CEP250: variants seen among roughly 807,000 people sequenced by gnomAD.
CEP250 encodes centrosomal protein 250, also known as centrosome-associated protein CEP250.
Under a neutral mutation model 315.7 loss-of-function variants are expected in CEP250, and 242 were observed. The observed-to-expected ratio is 0.77, with a 90% confidence interval of 0.69 to 0.85. CEP250 has a LOEUF of 0.85. Ranked by LOEUF, CEP250 falls within the 40% of genes least tolerant of loss-of-function variation. CEP250 has a pLI of 0.00. For synonymous variants in CEP250, 1,088 were observed against 1,175.0 expected, an observed-to-expected ratio of 0.93 and a Z score of 1.51; for missense variants, 2,515 against 2,886.4, an observed-to-expected ratio of 0.87 and a Z score of 2.95.
chr20:35,497,875 C>T lies in CEP250; in HGVS notation c.3463C>T (p.Arg1155Ter), dbSNP rs749314857. ...QEAKAAQLQLRLRSTESQLEA... is the reference protein window; with the variant it reads ...QEAKAAQLQL ...AGCCAAGGCAGCCCAACTACAGCTG[C>T]GACTGCGCAGCACAGAGAGCCAGCT... is the stretch of plus-strand genomic sequence containing the variant. Residue 1155 changes from arginine to a stop codon, truncating the protein, a stop_gained, in exon 26 of 35, where the codon CGA becomes TGA. Transcript: ENST00000397527. LOFTEE classifies it high-confidence loss of function. 4 of 1,599,046 alleles carry T rather than the reference C, an allele frequency of 2.5e-6. No homozygotes were observed. The highest frequency in any genetic ancestry group is 3.4e-6 in the Non-Finnish European group (4 of 1,172,998).
chr20:35,518,417 A>G lies in CEP250; in HGVS notation c.*6791A>G, dbSNP rs1490330442. The G allele has an allele frequency of 6.6e-6, 1 of 152,156 alleles. No homozygotes were observed. Among genetic ancestry groups the G allele is most frequent in the Non-Finnish European group, 1.5e-5 (1 of 68,044 alleles). 9.4% of individuals were successfully genotyped at this position (152,156 alleles called of 1,614,324 possible). ...AGCATGCGGTGGATATTTGTTTTAG[A>G]TACACAGTAACTGGAAACTCATTTA... On this transcript the variant is annotated 3_prime_UTR_variant, in exon 35 of 35. Transcript: ENST00000397527.
Position 35,467,426 on chromosome 20 carries a change from G to C in CEP250, c.722G>C (p.Arg241Pro). The C allele has an allele frequency of 6.2e-7, 1 of 1,614,202 alleles. No homozygotes were observed. Among genetic ancestry groups the C allele is most frequent in the East Asian group, 2.2e-5 (1 of 44,892 alleles). Residue 241 changes from arginine (R) to proline (P), a missense_variant, in exon 9 of 35, where the codon CGG (arginine) becomes CCG (proline). Transcript: ENST00000397527. ...AACGGATCTGGAAGAATGGATGGGCGGGAGCCGGCCCAGCTGCTGCTGCTA... is the reference window on the plus strand; with the variant it reads ...AACGGATCTGGAAGAATGGATGGGCCGGAGCCGGCCCAGCTGCTGCTGCTA... ...EPNGSGRMDGREPAQLLLLLA... is the reference protein window; with the variant it reads ...EPNGSGRMDGPEPAQLLLLLA...
chr20:35,468,291 C>T (rs1459269445), intron 9 of CEP250, among the ~76,000 whole-genome samples: 1 of 152,182 alleles, frequency 6.6e-6, no homozygotes. Flanking sequence ...ACCTCAGTAG[C>T]CTGCTAAGTT....
Position 35,504,421 on chromosome 20 carries a change from G to A in CEP250, c.6052G>A (p.Ala2018Thr). ...CQAHSRQLEE[A>T]LRIQEGEIQD... ...GGCACACAGTCGGCAGCTGGAGGAGGCTCTGAGGATACAAGAAGGTGAGAT... is the reference window on the plus strand; with the variant it reads ...GGCACACAGTCGGCAGCTGGAGGAGACTCTGAGGATACAAGAAGGTGAGAT... The change falls in exon 30 of 35, where the codon GCT (alanine) becomes ACT (threonine). Residue 2018 changes from alanine to threonine, a missense_variant. By Grantham distance (58) the Ala-to-Thr change is moderately conservative. Coordinates refer to ENST00000397527, the MANE Select transcript of CEP250 (RefSeq NM_007186.6). 1.9e-6 allele frequency: 3 copies of A among 1,609,138 alleles called. No homozygotes were observed. The highest frequency in any genetic ancestry group is 2.5e-6 in the Non-Finnish European group (3 of 1,177,794).
chr20:35,494,524 G>GT lies in CEP250; in HGVS notation c.3035dup (p.Glu1013GlyfsTer12). 2 of 1,613,732 alleles carry GT rather than the reference G, an allele frequency of 1.2e-6. No individual in the cohort carries two copies. Among genetic ancestry groups the GT allele is most frequent in the Non-Finnish European group, 1.7e-6 (2 of 1,179,978 alleles). On this transcript the variant is annotated frameshift_variant and splice_region_variant, in exon 24 of 35. Transcript: ENST00000397527. LOFTEE classifies it high-confidence loss of function. ...GGTCTTCATGCCCTTAATTTTCCAG[G>GT]TGGAGGACTTGAAGTCTCAGCTGGT...
intron 26 of CEP250, 53 bp from the exon 27 acceptor site, chr20:35,498,542 C>T: frequency 6.3e-7 from 1 of 1,595,986 alleles, no homozygotes; most frequent in Non-Finnish European, 8.5e-7. Flanking sequence ...AGAGGTCTGG[C>T]TGTTTCTTTT....
Position 35,497,853 on chromosome 20 carries a change from C to T in CEP250, c.3441C>T (p.Ala1147=). Residue 1147 remains alanine, a synonymous_variant, in exon 26 of 35, where the codon GCC becomes GCT. Transcript: ENST00000397527. ...GAGCCTCCTTGTGGGCCCAGGAAGC[C>T]AAGGCAGCCCAACTACAGCTGCGAC... The part of the protein sequence containing the change: ...QLRASLWAQE[A]KAAQLQLRLR... The T allele has an allele frequency of 6.3e-7, 1 of 1,588,434 alleles. No homozygotes were observed. Among genetic ancestry groups the T allele is most frequent in the East Asian group, 2.3e-5 (1 of 43,732 alleles).
rs1033016251 is a variant in CEP250 at position 35,518,962 on chromosome 20, G to A, written c.*7336G>A. 1 of 151,908 alleles carries A rather than the reference G, an allele frequency of 6.6e-6. No individual in the cohort carries two copies. Among genetic ancestry groups the A allele is most frequent in the Admixed American group, 6.6e-5 (1 of 15,224 alleles). The allele number at this position is 151,908 out of a possible 1,614,324, so 9.4% of individuals were successfully genotyped here. A position where few individuals can be genotyped will look rare whatever the true frequency, so the allele number is the denominator to read the frequency against. ...GCAGGAGAATTGCTTGAACCCAGGA[G>A]GCAGAGGTTGCAGTGAGCTGAGATC... On this transcript the variant is annotated 3_prime_UTR_variant, in exon 35 of 35. Coordinates refer to ENST00000397527, the MANE Select transcript of CEP250 (RefSeq NM_007186.6).
At position 35,473,531 on chromosome 20, in the gene CEP250, G is replaced by C; in HGVS notation, c.1367G>C (p.Gly456Ala). Residue 456 changes from glycine (G) to alanine (A), a missense_variant, in exon 13 of 35, where the codon GGA (glycine) becomes GCA (alanine). Physicochemically the swap from Gly to Ala is moderately conservative, Grantham distance 60. Transcript: ENST00000397527. ...TLAGQTVDLQ[G>A]EVDSLSKERE... ...GCAGGGCAGACTGTGGACCTCCAGG[G>C]AGAGGTGGACTCTCTCAGCAAGTGA... 1.9e-6 allele frequency: 3 copies of C among 1,613,570 alleles called. No individual in the cohort carries two copies. The highest frequency in any genetic ancestry group is 2.5e-6 in the Non-Finnish European group (3 of 1,179,730).
At chr20:35,508,674 C>T (rs945373119) in intron 32 of CEP250, among the ~76,000 whole-genome samples, 1 of 152,196 alleles carries the variant, frequency 6.6e-6, no homozygotes, top group Admixed American at 6.5e-5. Flanking sequence ...CCCTGCTATG[C>T]CCCACAAAGC....
intron 20 of CEP250, among the ~76,000 whole-genome samples, chr20:35,485,651 T>G (rs1213941138): frequency 1.0e-5 from 1 of 96,966 alleles, no homozygotes; most frequent in African/African-American, 4.4e-5. Flanking sequence ...CTGGCTTTTT[T>G]TTTTTTTTTT....
Position 35,502,753 on chromosome 20 carries a change from T to A in CEP250, c.4384T>A (p.Ser1462Thr). The A allele has an allele frequency of 6.2e-7, 1 of 1,614,250 alleles. No homozygotes were observed. Among genetic ancestry groups the A allele is most frequent in the Non-Finnish European group, 8.5e-7 (1 of 1,180,052 alleles). Residue 1462 changes from serine (S) to threonine (T), a missense_variant, in exon 30 of 35, where the codon TCT (serine) becomes ACT (threonine). Coordinates refer to ENST00000397527, the MANE Select transcript of CEP250 (RefSeq NM_007186.6). ...GCAGAAGGCTGCTTTGGAATTGCTG[T>A]CTCTGGACCTGAAGAAGAGGAACCA... ...EMQKAALELL[S>T]LDLKKRNQEV...
intron 27 of CEP250, among the ~76,000 whole-genome samples, 184 bp from the exon 28 acceptor site, chr20:35,499,865 C>T (rs1286330369): frequency 1.3e-5 from 2 of 152,162 alleles, no homozygotes; most frequent in African/African-American, 4.8e-5. Flanking sequence ...CCAAGTGGAG[C>T]AGAGCCTGTC....
chr20:35,463,837 C>T (rs758196054), intron 5 of CEP250, among the ~76,000 whole-genome samples: 3 of 152,112 alleles, frequency 2.0e-5, no homozygotes, highest in Non-Finnish European at 2.9e-5. Context: ...TTTCAAAGGA[C>T]GAAATGTAAA....
In CEP250 at chr20:35,511,746, G is replaced by C; in HGVS notation, c.*120G>C. The C allele has an allele frequency of 6.9e-7, 1 of 1,439,394 alleles. No homozygotes were observed. Among genetic ancestry groups the C allele is most frequent in the Non-Finnish European group, 9.1e-7 (1 of 1,099,008 alleles). The allele number at this position is 1,439,394 out of a possible 1,614,324, so 89.2% of individuals were successfully genotyped here. On this transcript the variant is annotated 3_prime_UTR_variant, in exon 35 of 35. Transcript: ENST00000397527. ...GTTAGGCACCCAGGAGCCCCAGGTC[G>C]GCGGGTGTTCCCAGGAAGAGGAAGT...
chr20:35,508,129 T>TGGAGATTGACA lies in CEP250; in HGVS notation c.6850_6860dup (p.Ser2287ArgfsTer28). 2 of 1,614,036 alleles carry TGGAGATTGACA rather than the reference T, an allele frequency of 1.2e-6. No homozygotes were observed. The highest frequency in any genetic ancestry group is 1.7e-6 in the Non-Finnish European group (2 of 1,179,988). ...CACCTGCAGCAAGCAGTGGCCCGGC[T>TGGAGATTGACA]GGAGATTGACAGGAGCAGGCTGCAG... On this transcript the variant is annotated frameshift_variant, in exon 32 of 35. Transcript: ENST00000397527. LOFTEE classifies it high-confidence loss of function.
At chr20:35,463,779 T>C (rs758830073) in intron 5 of CEP250, 148 bp downstream of exon 5, 46 of 514,000 alleles carry the variant, frequency 8.9e-5, no homozygotes, top group Non-Finnish European at 1.4e-4. Flanking sequence ...TTTATCACAC[T>C]GATATCTTCA....
upstream of CEP250, chr20:35,455,253 A>AG (rs974976124): frequency 2.0e-5 from 3 of 152,312 alleles, no homozygotes; most frequent in African/African-American, 7.2e-5. Context: ...GTGGGGCCTC[A>AG]GGGGCAGGTG....
At chr20:35,484,119 G>A (rs2146947923) in intron 20 of CEP250, among the ~76,000 whole-genome samples, 1 of 151,738 alleles carries the variant, frequency 6.6e-6, no homozygotes, top group Admixed American at 6.6e-5. Flanking sequence ...TCATGGGCTT[G>A]TTTCCCTGTG....
Sources: gnomAD v4.1 joint callset for allele counts (sites outside exome capture counted in the v4.1 genomes callset) on GRCh38, gnomAD v4.1.1 for gene constraint, MANE v1.5 for transcripts, NCBI Gene and HGNC (gene_info 2026-07-23, HGNC 2026-07-21) for gene names.